The following PAX5 variants were observed in gnomAD, a reference collection of about 807,000 sequenced individuals.
PAX5 encodes paired box protein Pax-5.
PAX5 carries 9 observed loss-of-function variants against 43.7 expected under a neutral mutation model. The observed-to-expected ratio is 0.21, with a 90% CI of 0.12 to 0.36. PAX5 has a LOEUF of 0.36. Among genes scored for constraint, PAX5 ranks in the 10% least tolerant of loss-of-function variants. PAX5 has a pLI of 1.00. For missense variants in PAX5, 383 were observed against 532.7 expected (o/e 0.72, Z 2.77); for synonymous variants, 228 against 214.3 (o/e 1.06, Z -0.56).
chr9:36,851,598 C>T (rs1233785270), intron 8 of PAX5, among the ~76,000 whole-genome samples: 2 of 152,170 alleles, frequency 1.3e-5, no homozygotes, highest in East Asian at 3.8e-4. Flanking sequence ...GATTTTCCCA[C>T]TAGGTGGCAA....
chr9:37,006,381 G>T, intron 4 of PAX5, 92 bp downstream of exon 4: 1 of 947,366 alleles, frequency 1.1e-6, no homozygotes, highest in Non-Finnish European at 1.7e-6. Context: ...AGTGTTTTAT[G>T]CAGAATTATC....
intron 5 of PAX5, among the ~76,000 whole-genome samples, chr9:36,974,281 T>C (rs577788208): frequency 6.6e-6 from 1 of 152,212 alleles, no homozygotes; most frequent in South Asian, 2.1e-4. Flanking sequence ...GAGAGCATTG[T>C]CTGTCCCTAG....
At chr9:36,888,760 G>A (rs960563056) in intron 7 of PAX5, among the ~76,000 whole-genome samples, 1 of 152,224 alleles carries the variant, frequency 6.6e-6, no homozygotes, top group African/African-American at 2.4e-5. Flanking sequence ...TGACCCCAGG[G>A]AGGAGACCTC....
intron 8 of PAX5, among the ~76,000 whole-genome samples, chr9:36,868,111 G>A (rs1411515324): frequency 6.6e-6 from 1 of 152,238 alleles, no homozygotes; most frequent in African/African-American, 2.4e-5. Flanking sequence ...CTCAAACAGA[G>A]GGTAACAAGG....
At chr9:36,846,997 T>C in intron 8 of PAX5, 68 bp from the exon 9 acceptor site, 1 of 1,147,170 alleles carries the variant, frequency 8.7e-7, no homozygotes. Flanking sequence ...AGGCCCTGGG[T>C]CCCAGCCAGC....
intron 5 of PAX5, among the ~76,000 whole-genome samples, chr9:36,989,963 G>T (rs1464905167): frequency 1.3e-5 from 2 of 152,218 alleles, no homozygotes; most frequent in Non-Finnish European, 1.5e-5. Context: ...AGTGACAAAT[G>T]TGATATTTTG....
At chr9:36,859,604 A>C (rs1824001765) in intron 8 of PAX5, among the ~76,000 whole-genome samples, 1 of 151,460 alleles carries the variant, frequency 6.6e-6, no homozygotes, top group Non-Finnish European at 1.5e-5. Flanking sequence ...CCGGCTCCTC[A>C]CCCTTCCTCA....
chr9:36,874,893 G>T (rs1825786621), intron 8 of PAX5, among the ~76,000 whole-genome samples: 2 of 152,166 alleles, frequency 1.3e-5, no homozygotes, highest in African/African-American at 4.8e-5. Flanking sequence ...ACACTTATGT[G>T]CCACTCCATA....
chr9:36,855,227 G>A (rs1481874187), intron 8 of PAX5, among the ~76,000 whole-genome samples: 1 of 152,244 alleles, frequency 6.6e-6, no homozygotes, highest in Non-Finnish European at 1.5e-5. Context: ...GGGGCCAGGA[G>A]GAAACAATTG....
intron 6 of PAX5, among the ~76,000 whole-genome samples, chr9:36,934,206 A>G (rs1831363283): frequency 6.6e-6 from 1 of 152,210 alleles, no homozygotes; most frequent in African/African-American, 2.4e-5. Context: ...CACTCTTGGT[A>G]CCTTTTCTCA....
rs143964852 is a variant in PAX5, at chr9:36,916,634, G to GAT, written c.910+6719_910+6720dup. On this transcript the variant is annotated intron_variant, in intron 7 of 9. Transcript: ENST00000358127. ...TAAACTTAAGTTTATTCCCAGGTGA[G>GAT]ATATATATATATATATTTATAGTTA... is the stretch of plus-strand genomic sequence containing the variant. Among the ~76,000 whole-genome samples, 232 of 150,228 alleles carry GAT rather than the reference G, an allele frequency of 1.5e-3. 1 individual carries two copies. The highest frequency in any genetic ancestry group is 6.8e-3 in the Middle Eastern group (2 of 292).
At chr9:36,851,368 G>A (rs1348685523) in intron 8 of PAX5, among the ~76,000 whole-genome samples, 1 of 152,116 alleles carries the variant, frequency 6.6e-6, no homozygotes, top group Non-Finnish European at 1.5e-5. Flanking sequence ...TTGTCTGTTG[G>A]GTGTTTAATC....
intron 8 of PAX5, among the ~76,000 whole-genome samples, chr9:36,866,739 G>A (rs1824924972): frequency 6.6e-6 from 1 of 152,150 alleles, no homozygotes; most frequent in South Asian, 2.1e-4. Flanking sequence ...CTTGCCATAT[G>A]ACTTTGAACA....
intron 6 of PAX5, among the ~76,000 whole-genome samples, chr9:36,936,255 C>T (rs1168351314): frequency 6.6e-6 from 1 of 152,182 alleles, no homozygotes; most frequent in Admixed American, 6.5e-5. Context: ...CAGTAAGATC[C>T]CAGTAGGGTT....
chr9:36,980,959 C>T (rs1835860733), intron 5 of PAX5, among the ~76,000 whole-genome samples: 1 of 151,868 alleles, frequency 6.6e-6, no homozygotes, highest in South Asian at 2.1e-4. Flanking sequence ...ACCTTTCTGA[C>T]CTCGTTTCCT....
At chr9:36,906,987 C>T (rs1217293191) in intron 7 of PAX5, among the ~76,000 whole-genome samples, 1 of 152,178 alleles carries the variant, frequency 6.6e-6, no homozygotes, top group Non-Finnish European at 1.5e-5. Flanking sequence ...AGCATCTGCA[C>T]ACAGGACTGC....
intron 6 of PAX5, among the ~76,000 whole-genome samples, chr9:36,930,216 C>CTTTTTTT (rs144710055): frequency 1.2e-5 from 1 of 85,524 alleles, no homozygotes; most frequent in Non-Finnish European, 2.1e-5. Context: ...GATGGATGTC[C>CTTTTTTT]TTTTTTTTTT....
intron 7 of PAX5, among the ~76,000 whole-genome samples, chr9:36,905,966 G>A (rs760905953): frequency 4.6e-5 from 7 of 152,184 alleles, no homozygotes; most frequent in Non-Finnish European, 1.0e-4. Flanking sequence ...TGGGGCAGAT[G>A]GAGGAGACAG....
At chr9:36,908,945 T>C (rs1411594939) in intron 7 of PAX5, among the ~76,000 whole-genome samples, 2 of 152,252 alleles carry the variant, frequency 1.3e-5, no homozygotes, top group Non-Finnish European at 2.9e-5. Flanking sequence ...ATTCATTTTA[T>C]TCAACAAATA....
Sources: gnomAD v4.1 joint callset for allele counts (sites outside exome capture counted in the v4.1 genomes callset) on GRCh38, gnomAD v4.1.1 for gene constraint, MANE v1.5 for transcripts, NCBI Gene and HGNC (gene_info 2026-07-23, HGNC 2026-07-21) for gene names.